The following OR6A2 variants were observed in gnomAD, a reference collection of about 807,000 sequenced individuals.
The protein encoded by OR6A2 is olfactory receptor family 6 subfamily A member 2, also known as olfactory receptor 6A2.
A neutral mutation model predicts 7.1 loss-of-function variants in OR6A2; 6 were observed. The observed-to-expected ratio is 0.85, with a 90% CI of 0.46 to 1.68. The LOEUF (loss-of-function observed/expected upper bound fraction) is 1.68, where lower values mean the gene tolerates loss of function less well. Among genes scored for constraint, OR6A2 ranks in the 40% most tolerant of loss-of-function variants. OR6A2 has a pLI of 0.01. For missense variants in OR6A2, 431 were observed against 398.0 expected (o/e 1.08, Z -0.71); for synonymous variants, 162 against 152.1 (o/e 1.06, Z -0.48).
rs1302381560 is a variant in OR6A2, at chr11:6,793,009, A to G, written c.*1716T>C. On this transcript the variant is annotated 3_prime_UTR_variant, in exon 2 of 2. Coordinates refer to ENST00000641196, the MANE Select transcript of OR6A2 (RefSeq NM_003696.3). ...GAAAAGCACAATGAAGAAATTCAAC[A>G]TTATGCTTTTACTTCCTATTAACTC... is the stretch of plus-strand genomic sequence containing the variant. 6.6e-6 allele frequency: 1 copy of G among 152,216 alleles called. No homozygotes were observed. The highest frequency in any genetic ancestry group is 6.5e-5 in the Admixed American group (1 of 15,276). The allele number at this position is 152,216 out of a possible 1,614,324, so 9.4% of individuals were successfully genotyped here. A position where few individuals can be genotyped will look rare whatever the true frequency, so the allele number is the denominator to read the frequency against.
At chr11:6,796,911 A>G (rs1425733314) in intron 1 of OR6A2, among the ~76,000 whole-genome samples, 3 of 151,964 alleles carry the variant, frequency 2.0e-5, no homozygotes, top group Admixed American at 2.0e-4. Flanking sequence ...AGAAAGGAGA[A>G]TGGGGTAGAG....
rs1847709311 is a variant in OR6A2, at chr11:6,793,261, A to C, written c.*1464T>G. On this transcript the variant is annotated 3_prime_UTR_variant, in exon 2 of 2. Coordinates refer to ENST00000641196, the MANE Select transcript of OR6A2 (RefSeq NM_003696.3). ...GCACATTATATTAAAACTTTTAATAAGTATGGGCTAGCAAATAATGCATGA... is the reference window on the plus strand; with the variant it reads ...GCACATTATATTAAAACTTTTAATACGTATGGGCTAGCAAATAATGCATGA... 6.6e-6 allele frequency: 1 copy of C among 152,242 alleles called. No homozygotes were observed. The highest frequency in any genetic ancestry group is 1.5e-5 in the Non-Finnish European group (1 of 68,032). The allele number at this position is 152,242 out of a possible 1,614,324, so 9.4% of individuals were successfully genotyped here. A position where few individuals can be genotyped will look rare whatever the true frequency, so the allele number is the denominator to read the frequency against.
In OR6A2 at chr11:6,795,429, C is replaced by T; in HGVS notation, c.280G>A (p.Gly94Arg). The T allele has an allele frequency of 6.2e-7, 1 of 1,614,112 alleles. No homozygotes were observed. The highest frequency in any genetic ancestry group is 8.5e-7 in the Non-Finnish European group (1 of 1,180,006). ...CATCCCTCAAAGGAGATTAGCTGTC[C>T]ATGATCCTGTTTGGATCCAACAAAG... ...AGFVGSKQDH[G>R]QLISFEGCMT... The change falls in exon 2 of 2, where the codon GGA becomes AGA. Residue 94 changes from glycine to arginine, a missense_variant. Coordinates refer to ENST00000641196, the MANE Select transcript of OR6A2 (RefSeq NM_003696.3).
At chr11:6,797,255 G>T (rs1028148987) in intron 1 of OR6A2, among the ~76,000 whole-genome samples, 1 of 152,012 alleles carries the variant, frequency 6.6e-6, no homozygotes, top group Non-Finnish European at 1.5e-5. Flanking sequence ...CTAGACCATG[G>T]GCTAAGAGTT....
intron 1 of OR6A2, among the ~76,000 whole-genome samples, chr11:6,797,702 GTA>G (rs1564905508): frequency 6.6e-6 from 1 of 152,280 alleles, no homozygotes; most frequent in East Asian, 1.9e-4. Flanking sequence ...GTCCCTTTGT[GTA>G]CACAATAAAT....
At position 6,795,192 on chromosome 11, in the gene OR6A2, AAG is replaced by A. The variant is rs768106044; in HGVS notation, c.515_516del (p.Ser172LeufsTer13). On this transcript the variant is annotated frameshift_variant, in exon 2 of 2. Coordinates refer to ENST00000641196, the MANE Select transcript of OR6A2 (RefSeq NM_003696.3). LOFTEE classifies it high-confidence loss of function. ...MVKVFLISGL[S>X]YCGPNIINHF... is the part of the protein sequence containing the mutation. ...TGGTTGATGATGTTGGGGCCACAGT[AAG>A]AGAGGCCAGAAATAAGAAAAACTTT... The A allele has an allele frequency of 1.9e-6, 3 of 1,614,024 alleles. No individual in the cohort carries two copies. The African/African-American group carries it at 4.0e-5, about 22-fold the overall frequency.
chr11:6,795,135 G>A lies in OR6A2; in HGVS notation c.574C>T (p.Leu192Phe). 6.2e-7 allele frequency: 1 copy of A among 1,614,170 alleles called. No individual in the cohort carries two copies. The highest frequency in any genetic ancestry group is 8.5e-7 in the Non-Finnish European group (1 of 1,180,010). ...GCTGTGGACATATCAGTGCATGAGA[G>A]GTTGAGCAATGGAGAGACATCACAG... ...FFCDVSPLLN[L>F]SCTDMSTAEL... Residue 192 changes from leucine to phenylalanine, a missense_variant, in exon 2 of 2, where the codon CTC becomes TTC. By Grantham distance (22) the Leu-to-Phe change is conservative. Coordinates refer to ENST00000641196, the MANE Select transcript of OR6A2 (RefSeq NM_003696.3).
At position 6,795,308 on chromosome 11, in the gene OR6A2, G is replaced by A; in HGVS notation, c.401C>T (p.Pro134Leu). ...AYDRYMAICY[P>L]LHYPVIVSGR... Reference sequence around the variant, plus strand: ...ACTGACAATGACTGGGTAGTGGAGAGGATAGCAGATGGCCATATAGCGATC... The same window carrying A: ...ACTGACAATGACTGGGTAGTGGAGAAGATAGCAGATGGCCATATAGCGATC... The change falls in exon 2 of 2, where the codon CCT (proline) becomes CTT (leucine). Residue 134 changes from proline to leucine, a missense_variant. Coordinates refer to ENST00000641196, the MANE Select transcript of OR6A2 (RefSeq NM_003696.3). The A allele has an allele frequency of 1.2e-6, 2 of 1,614,046 alleles. No individual in the cohort carries two copies. The highest frequency in any genetic ancestry group is 1.7e-6 in the Non-Finnish European group (2 of 1,180,016).
At position 6,795,338 on chromosome 11, in the gene OR6A2, G is replaced by T. The variant is rs1187878752; in HGVS notation, c.371C>A (p.Ala124Asp). 1 of 1,613,968 alleles carries T rather than the reference G, an allele frequency of 6.2e-7. No individual in the cohort carries two copies. Among genetic ancestry groups the T allele is most frequent in the South Asian group, 1.1e-5 (1 of 91,078 alleles). ...CTECVLLAVM[A>D]YDRYMAICYP... is the part of the protein sequence containing the mutation. ...GCAGATGGCCATATAGCGATCATAG[G>T]CCATAACAGCGAGAAGGACACACTC... The change falls in exon 2 of 2, where the codon GCC (alanine) becomes GAC (aspartate). Residue 124 changes from alanine to aspartate, a missense_variant. Coordinates refer to ENST00000641196, the MANE Select transcript of OR6A2 (RefSeq NM_003696.3).
chr11:6,795,133 G>C lies in OR6A2; in HGVS notation c.576C>G (p.Leu192=). Residue 192 remains leucine, a synonymous_variant, in exon 2 of 2, where the codon CTC becomes CTG. Coordinates refer to ENST00000641196, the MANE Select transcript of OR6A2 (RefSeq NM_003696.3). ...CTGCTGTGGACATATCAGTGCATGA[G>C]AGGTTGAGCAATGGAGAGACATCAC... ...FFCDVSPLLN[L]SCTDMSTAEL... 1 of 1,614,164 alleles carries C rather than the reference G, an allele frequency of 6.2e-7. No individual in the cohort carries two copies. The highest frequency in any genetic ancestry group is 8.5e-7 in the Non-Finnish European group (1 of 1,180,006).
At chr11:6,796,042 A>G (rs777423930) in intron 1 of OR6A2, 158 bp from the exon 2 acceptor site, 18 of 240,564 alleles carry the variant, frequency 7.5e-5, no homozygotes, top group Non-Finnish European at 1.4e-4. Context: ...AAAAATTGAA[A>G]GAGTCTCGGC....
At chr11:6,799,452 A>C (rs1847779259) in intron 1 of OR6A2, 92 bp downstream of exon 1, 1 of 152,186 alleles carries the variant, frequency 6.6e-6, no homozygotes, top group South Asian at 2.1e-4. Context: ...TATAGAGAGG[A>C]ATAAGAAGAT....
In OR6A2 at chr11:6,795,280, G is replaced by A. The variant is rs771932720; in HGVS notation, c.429C>T (p.Gly143=). The A allele has an allele frequency of 6.2e-7, 1 of 1,613,920 alleles. No homozygotes were observed. Among genetic ancestry groups the A allele is most frequent in the Non-Finnish European group, 8.5e-7 (1 of 1,180,016 alleles). ...CAGCAGCCATCTGCACACACAGCCGGCCACTGACAATGACTGGGTAGTGGA... is the reference window on the plus strand; with the variant it reads ...CAGCAGCCATCTGCACACACAGCCGACCACTGACAATGACTGGGTAGTGGA... The part of the protein sequence containing the change: ...YPLHYPVIVS[G]RLCVQMAAGS... The change falls in exon 2 of 2, where the codon GGC becomes GGT. Residue 143 remains glycine (G), a synonymous_variant. Coordinates refer to ENST00000641196, the MANE Select transcript of OR6A2 (RefSeq NM_003696.3).
At position 6,791,753 on chromosome 11, in the gene OR6A2, G is replaced by A. The variant is rs949604870; in HGVS notation, c.*2972C>T. 2.6e-5 allele frequency: 4 copies of A among 152,148 alleles called. No homozygotes were observed. Among genetic ancestry groups the A allele is most frequent in the Non-Finnish European group, 5.9e-5 (4 of 68,000 alleles). The allele number at this position is 152,148 out of a possible 1,614,324, so 9.4% of individuals were successfully genotyped here. On this transcript the variant is annotated 3_prime_UTR_variant, in exon 2 of 2. Coordinates refer to ENST00000641196, the MANE Select transcript of OR6A2 (RefSeq NM_003696.3). ...TTTGGTAAGGAAAAACTAACAACGT[G>A]TTTCTTTTTAAAATAAACTTCTAAA... is the stretch of plus-strand genomic sequence containing the variant.
In OR6A2 at chr11:6,794,411, T is replaced by C; in HGVS notation, c.*314A>G. 3.2e-6 allele frequency: 1 copy of C among 315,260 alleles called. No individual in the cohort carries two copies. Among genetic ancestry groups the C allele is most frequent in the East Asian group, 5.7e-5 (1 of 17,652 alleles). The allele number at this position is 315,260 out of a possible 1,614,324, so 19.5% of individuals were successfully genotyped here. Reference sequence around the variant, plus strand: ...ACCTAATAGAGATCTTATCAAAAAGTCTTGTGTTGCTTTTCCGTAATGAAG... The same window carrying C: ...ACCTAATAGAGATCTTATCAAAAAGCCTTGTGTTGCTTTTCCGTAATGAAG... On this transcript the variant is annotated 3_prime_UTR_variant, in exon 2 of 2. Coordinates refer to ENST00000641196, the MANE Select transcript of OR6A2 (RefSeq NM_003696.3).
Position 6,794,637 on chromosome 11 carries a change from C to A in OR6A2, c.*88G>T. The A allele has an allele frequency of 6.6e-7, 1 of 1,512,040 alleles. No homozygotes were observed. Among genetic ancestry groups the A allele is most frequent in the South Asian group, 1.3e-5 (1 of 75,816 alleles). 93.7% of individuals were successfully genotyped at this position (1,512,040 alleles called of 1,614,324 possible). A position where few individuals can be genotyped will look rare whatever the true frequency, so the allele number is the denominator to read the frequency against. Reference sequence around the variant, plus strand: ...GTGATGCCTTTGAAACTCTGGCCCCCAATTTAGGCCCTAAGAACTCCACTG... The same window carrying A: ...GTGATGCCTTTGAAACTCTGGCCCCAAATTTAGGCCCTAAGAACTCCACTG... On this transcript the variant is annotated 3_prime_UTR_variant, in exon 2 of 2. Transcript: ENST00000641196.
chr11:6,795,255 C>T lies in OR6A2; in HGVS notation c.454G>A (p.Gly152Ser). Residue 152 changes from glycine (G) to serine (S), a missense_variant, in exon 2 of 2, where the codon GGC (glycine) becomes AGC (serine). Physicochemically the swap from Gly to Ser is moderately conservative, Grantham distance 56. Transcript: ENST00000641196. ...SGRLCVQMAA[G>S]SWAGGFGISM... ...ATGCCAAAACCTCCAGCCCAAGAGC[C>T]AGCAGCCATCTGCACACACAGCCGG... The T allele has an allele frequency of 6.2e-7, 1 of 1,613,002 alleles. No homozygotes were observed. Among genetic ancestry groups the T allele is most frequent in the Non-Finnish European group, 8.5e-7 (1 of 1,179,874 alleles).
In OR6A2 at chr11:6,798,332, C is replaced by T. The variant is rs76035794; in HGVS notation, c.-177+1212G>A. On this transcript the variant is annotated intron_variant, in intron 1 of 1. Transcript: ENST00000641196. ...CCACCCTTTCCCCCAACACACATCCCACACTTAACTAATCCAAGTTCTAGC... is the reference window on the plus strand; with the variant it reads ...CCACCCTTTCCCCCAACACACATCCTACACTTAACTAATCCAAGTTCTAGC... Among the ~76,000 whole-genome samples the T allele has an allele frequency of 2.3e-3, 347 of 152,278 alleles. 2 individuals are homozygous for T. Among genetic ancestry groups the T allele is most frequent in the African/African-American group, 7.7e-3 (321 of 41,552 alleles).
Position 6,795,562 on chromosome 11 carries a change from T to C in OR6A2, c.147A>G (p.Ala49=), listed in dbSNP as rs766100890. ...TGTGGAGGGTAGAATGGTTCCTAATTGCCATAATGATGAGTGTGTTCTCAG... is the reference window on the plus strand; with the variant it reads ...TGTGGAGGGTAGAATGGTTCCTAATCGCCATAATGATGAGTGTGTTCTCAG... ...VLTENTLIIM[A]IRNHSTLHKP... is the part of the protein sequence containing the mutation. The change falls in exon 2 of 2, where the codon GCA becomes GCG. Residue 49 remains alanine (A), a synonymous_variant. Coordinates refer to ENST00000641196, the MANE Select transcript of OR6A2 (RefSeq NM_003696.3). 3.1e-6 allele frequency: 5 copies of C among 1,613,904 alleles called. No homozygotes were observed. The South Asian group carries it at 5.5e-5, about 18-fold the overall frequency.
Sources: gnomAD v4.1 joint callset for allele counts (sites outside exome capture counted in the v4.1 genomes callset) on GRCh38, gnomAD v4.1.1 for gene constraint, MANE v1.5 for transcripts, NCBI Gene and HGNC (gene_info 2026-07-23, HGNC 2026-07-21) for gene names.